The following CCDC159 variants were observed in gnomAD, a reference collection of about 807,000 sequenced individuals.
CCDC159 encodes coiled-coil domain containing 159.
A neutral mutation model predicts 50.9 loss-of-function variants in CCDC159; 40 were observed. That is an observed-to-expected ratio of 0.79 (90% CI 0.61 to 1.02). The LOEUF is 1.02. CCDC159 is among the 50% of genes least tolerant of loss of function. CCDC159 has a pLI of 0.00. For synonymous variants in CCDC159, 146 were observed against 138.9 expected, an observed-to-expected ratio of 1.05 and a Z score of -0.36; for missense variants, 356 against 371.5, an observed-to-expected ratio of 0.96 and a Z score of 0.34.
At chr19:11,352,351 C>G in intron 7 of CCDC159, 4 of 557,066 alleles carry the variant, frequency 7.2e-6, no homozygotes, top group Non-Finnish European at 3.2e-6. Flanking sequence ...CGCGGTGGCT[C>G]ACGCCTGTAA....
At chr19:11,349,252 T>TAG in intron 1 of CCDC159, 1 of 1,116,276 alleles carries the variant, frequency 9.0e-7, no homozygotes, top group Non-Finnish European at 1.2e-6. Flanking sequence ...TCTACTGCTG[T>TAG]GGGGCTTAGG....
intron 5 of CCDC159, chr19:11,351,306 G>A (rs1032985757): frequency 3.1e-5 from 9 of 294,210 alleles, no homozygotes; most frequent in African/African-American, 1.1e-4. Context: ...GCATGGCGGC[G>A]GGTGCCTGTA....
intron 1 of CCDC159, chr19:11,348,696 G>A (rs201156886): frequency 2.2e-6 from 1 of 460,030 alleles, no homozygotes; most frequent in South Asian, 1.5e-5. Context: ...GGGTCTGGGG[G>A]CACTGGGGAC....
intron 1 of CCDC159, chr19:11,348,873 G>T (rs780052846): frequency 1.2e-6 from 1 of 815,588 alleles, no homozygotes; most frequent in South Asian, 1.3e-5. Context: ...ACTGGGGTTA[G>T]TTAGGGGGCT....
chr19:11,348,791 CTG>C, intron 1 of CCDC159: 1 of 530,010 alleles, frequency 1.9e-6, no homozygotes, highest in Non-Finnish European at 3.7e-6. Flanking sequence ...CCTGACTACT[CTG>C]TGTCCTGCCT....
rs1452249612 is a variant in CCDC159 at position 11,354,854 on chromosome 19, C to G, written c.890-19C>G. On this transcript the variant is annotated intron_variant, in intron 10 of 10. Coordinates refer to ENST00000458408, the MANE Select transcript of CCDC159 (RefSeq NM_001080503.3). ...CCCCTGGACCTGGCCAGGCCCTGAC[C>G]CACCCTCTCTCTCCACAGCTTGAGC... 1.2e-6 allele frequency: 2 copies of G among 1,613,314 alleles called. No homozygotes were observed. Among genetic ancestry groups the G allele is most frequent in the Non-Finnish European group, 1.7e-6 (2 of 1,179,838 alleles).
At chr19:11,347,827 T>C (rs1389854440) in intron 1 of CCDC159, among the ~76,000 whole-genome samples, 1 of 152,246 alleles carries the variant, frequency 6.6e-6, no homozygotes, top group Non-Finnish European at 1.5e-5. Context: ...TATGTGGCTA[T>C]ACTGGAGGGG....
chr19:11,350,093 C>T, intron 3 of CCDC159, 25 bp from the exon 4 acceptor site: 1 of 1,613,036 alleles, frequency 6.2e-7, no homozygotes, highest in East Asian at 2.2e-5. Flanking sequence ...TTCCTCCCAC[C>T]CCAAGGCTGA....
At chr19:11,349,547 A>G (rs919975788) in intron 1 of CCDC159, 107 bp from the exon 2 acceptor site, 3 of 1,448,804 alleles carry the variant, frequency 2.1e-6, no homozygotes, top group Non-Finnish European at 2.9e-6. Flanking sequence ...TGGGACACCT[A>G]GAACTGAGGA....
Position 11,348,953 on chromosome 19 carries a change from C to G in CCDC159, c.22-701C>G, listed in dbSNP as rs773696368. The G allele has an allele frequency of 1.0e-5, 14 of 1,344,556 alleles. No individual in the cohort carries two copies. The East Asian group carries it at 4.6e-4, about 44-fold the overall frequency. 83.3% of individuals were successfully genotyped at this position (1,344,556 alleles called of 1,614,324 possible). A position where few individuals can be genotyped will look rare whatever the true frequency, so the allele number is the denominator to read the frequency against. On this transcript the variant is annotated intron_variant, in intron 1 of 10. Coordinates refer to ENST00000458408, the MANE Select transcript of CCDC159 (RefSeq NM_001080503.3). ...TGCCCTGCACTGTCCCTCAAGGAAG[C>G]CCTCACCCCTAGGCTCTTCCTCGGA...
intron 8 of CCDC159, 59 bp from the exon 9 acceptor site, chr19:11,353,733 G>A: frequency 1.3e-6 from 2 of 1,546,040 alleles, no homozygotes; most frequent in Non-Finnish European, 1.8e-6. Context: ...CTGTACTGCT[G>A]TCTACACCCT....
Position 11,351,881 on chromosome 19 carries a change from G to A in CCDC159, c.423-25G>A, listed in dbSNP as rs764622173. The A allele has an allele frequency of 4.5e-6, 7 of 1,571,062 alleles. No homozygotes were observed. In the South Asian group the frequency reaches 5.8e-5, roughly 13 times the overall value. On this transcript the variant is annotated intron_variant, in intron 5 of 10. Coordinates refer to ENST00000458408, the MANE Select transcript of CCDC159 (RefSeq NM_001080503.3). ...GGTCAGGGGCCAGGCAGGGAGTGCA[G>A]GTCTAGGCTGCACTGTCCCCTCAGC...
intron 5 of CCDC159, 109 bp downstream of exon 5, chr19:11,351,112 C>T: frequency 8.9e-7 from 1 of 1,118,318 alleles, no homozygotes; most frequent in Non-Finnish European, 1.2e-6. Flanking sequence ...GGGAGGGGGA[C>T]TGAGGGATGG....
chr19:11,349,328 A>G (rs1166642228), intron 1 of CCDC159: 1 of 527,650 alleles, frequency 1.9e-6, no homozygotes, highest in Non-Finnish European at 3.1e-6. Flanking sequence ...CACCTAGAAC[A>G]GCACCTGGCA....
chr19:11,353,413 T>C, intron 7 of CCDC159, 38 bp from the exon 8 acceptor site: 1 of 1,537,782 alleles, frequency 6.5e-7, no homozygotes, highest in Non-Finnish European at 8.8e-7. Context: ...TTGTCATTAT[T>C]ATTATGACTG....
At chr19:11,353,750 T>C in intron 8 of CCDC159, 42 bp from the exon 9 acceptor site, 1 of 1,556,720 alleles carries the variant, frequency 6.4e-7, no homozygotes, top group Non-Finnish European at 8.7e-7. Context: ...CCCTGAGCAG[T>C]GTGGAGTCTC....
Position 11,350,098 on chromosome 19 carries a change from G to A in CCDC159, c.145-20G>A, listed in dbSNP as rs771291089. The A allele has an allele frequency of 1.9e-6, 3 of 1,613,046 alleles. No homozygotes were observed. The highest frequency in any genetic ancestry group is 1.1e-5 in the South Asian group (1 of 90,988). ...CCTCCCCTCCTTCCTCCCACCCCAA[G>A]GCTGACCTCTTTCCCCCAGGCTTTC... On this transcript the variant is annotated intron_variant, in intron 3 of 10. Transcript: ENST00000458408.
Position 11,350,936 on chromosome 19 carries a change from A to C in CCDC159, c.355A>C (p.Ser119Arg). The part of the protein sequence containing the change: ...LQGLEKTLRD[S>R]EEMQRARTTR... ...GGGGCTGGAGAAGACCCTGCGTGAC[A>C]GTGAGGAGATGCAGCGGGCCCGCAC... The change falls in exon 5 of 11, where the codon AGT (serine) becomes CGT (arginine). Residue 119 changes from serine (S) to arginine (R), a missense_variant. Physicochemically the swap from Ser to Arg is moderately radical, Grantham distance 110. Coordinates refer to ENST00000458408, the MANE Select transcript of CCDC159 (RefSeq NM_001080503.3). 1 of 1,554,492 alleles carries C rather than the reference A, an allele frequency of 6.4e-7. No individual in the cohort carries two copies. Among genetic ancestry groups the C allele is most frequent in the Non-Finnish European group, 8.7e-7 (1 of 1,149,148 alleles).
chr19:11,352,703 G>A (rs1967651243), intron 7 of CCDC159, among the ~76,000 whole-genome samples: 2 of 152,100 alleles, frequency 1.3e-5, no homozygotes, highest in South Asian at 4.1e-4. Flanking sequence ...GGCTGAGGTG[G>A]TTGGATTGCT....
Sources: gnomAD v4.1 joint callset for allele counts (sites outside exome capture counted in the v4.1 genomes callset) on GRCh38, gnomAD v4.1.1 for gene constraint, MANE v1.5 for transcripts, NCBI Gene and HGNC (gene_info 2026-07-23, HGNC 2026-07-21) for gene names.